Variants in ALPK1 observed in about 807,000 individuals in gnomAD.
ALPK1 encodes the protein alpha-protein kinase 1.
ALPK1 carries 110 observed loss-of-function variants against 120.6 expected under a neutral mutation model. That is an observed-to-expected ratio of 0.91 (90% CI 0.78 to 1.07). The LOEUF (loss-of-function observed/expected upper bound fraction) is 1.07. Ranked by LOEUF, ALPK1 falls within the 50% of genes least tolerant of loss-of-function variation. ALPK1 has a pLI of 0.00. For missense variants in ALPK1, 1,498 were observed against 1,483.9 expected, an observed-to-expected ratio of 1.01 and a Z score of -0.16; for synonymous variants, 582 against 560.3, an observed-to-expected ratio of 1.04 and a Z score of -0.55.
At chr4:112,305,262 A>T (rs1727986554) in intron 1 of ALPK1, among the ~76,000 whole-genome samples, 1 of 152,008 alleles carries the variant, frequency 6.6e-6, no homozygotes, top group Non-Finnish European at 1.5e-5. Flanking sequence ...TGAACTTTAA[A>T]GTAGTTTTTT....
chr4:112,438,461 G>T (rs947743629), intron 12 of ALPK1, 23 bp from the exon 13 acceptor site: 4 of 1,607,576 alleles, frequency 2.5e-6, no homozygotes, highest in South Asian at 1.1e-5. Flanking sequence ...GCATTTTGTT[G>T]TGTGGATTTT....
At chr4:112,389,102 T>C (rs1218845197) in intron 4 of ALPK1, among the ~76,000 whole-genome samples, 1 of 149,526 alleles carries the variant, frequency 6.7e-6, no homozygotes, top group Non-Finnish European at 1.5e-5. Context: ...TGGAGTGCAA[T>C]GGCGTGATCT....
chr4:112,322,049 G>C (rs1049245902), intron 2 of ALPK1, among the ~76,000 whole-genome samples: 3 of 152,142 alleles, frequency 2.0e-5, no homozygotes, highest in Admixed American at 2.0e-4. Flanking sequence ...CGTCAAGATG[G>C]GGGTTGATGT....
intron 12 of ALPK1, among the ~76,000 whole-genome samples, chr4:112,437,524 C>T (rs1222845706): frequency 6.6e-6 from 1 of 152,186 alleles, no homozygotes; most frequent in African/African-American, 2.4e-5. Flanking sequence ...TGGTATCAGT[C>T]AACAAAATTC....
At chr4:112,407,424 G>C (rs1039808005) in intron 4 of ALPK1, among the ~76,000 whole-genome samples, 28 of 152,264 alleles carry the variant, frequency 1.8e-4, no homozygotes, top group Non-Finnish European at 1.3e-4. Flanking sequence ...GCTGCAGTGA[G>C]CTATATGATC....
chr4:112,314,421 G>A (rs1210844093), intron 1 of ALPK1, among the ~76,000 whole-genome samples: 1 of 152,176 alleles, frequency 6.6e-6, no homozygotes, highest in Non-Finnish European at 1.5e-5. Flanking sequence ...TAGCGAGAGA[G>A]ATTCGTGAAT....
chr4:112,364,438 A>C (rs1731050068), intron 2 of ALPK1, among the ~76,000 whole-genome samples: 1 of 152,040 alleles, frequency 6.6e-6, no homozygotes. Flanking sequence ...GAATACCTTT[A>C]CATGCATAAA....
At chr4:112,389,323 C>T (rs904623503) in intron 4 of ALPK1, among the ~76,000 whole-genome samples, 1 of 152,150 alleles carries the variant, frequency 6.6e-6, no homozygotes, top group Non-Finnish European at 1.5e-5. Flanking sequence ...AGATTACAAG[C>T]GTGAGCCACC....
At chr4:112,374,301 C>T (rs1325718942) in intron 2 of ALPK1, among the ~76,000 whole-genome samples, 2 of 152,214 alleles carry the variant, frequency 1.3e-5, no homozygotes, top group African/African-American at 2.4e-5. Context: ...GGAGCAACGT[C>T]CCATTCATTC....
chr4:112,312,869 A>T (rs1042816026), intron 1 of ALPK1, among the ~76,000 whole-genome samples: 2 of 152,214 alleles, frequency 1.3e-5, no homozygotes, highest in Admixed American at 6.5e-5. Flanking sequence ...ACAGCTGCCC[A>T]TGCACAAATT....
intron 2 of ALPK1, among the ~76,000 whole-genome samples, chr4:112,350,420 G>A (rs754862921): frequency 2.6e-5 from 4 of 151,954 alleles, no homozygotes; most frequent in Admixed American, 6.6e-5. Context: ...CACCAACATC[G>A]GGACCCTCCC....
intron 2 of ALPK1, among the ~76,000 whole-genome samples, chr4:112,332,267 A>T (rs765097350): frequency 2.6e-5 from 4 of 152,220 alleles, no homozygotes; most frequent in Non-Finnish European, 5.9e-5. Flanking sequence ...TGCCTGTATA[A>T]TACTGAAAGT....
In ALPK1 at chr4:112,441,270, A is replaced by G. The variant is rs1033047460; in HGVS notation, c.*60A>G. On this transcript the variant is annotated 3_prime_UTR_variant, in exon 16 of 16. Transcript: ENST00000650871. ...AGGGCCGTGACACAGGTTCTGGCCAATGATTTGCAAGAGGAATTGATCAGT... is the reference window on the plus strand; with the variant it reads ...AGGGCCGTGACACAGGTTCTGGCCAGTGATTTGCAAGAGGAATTGATCAGT... 92 of 1,124,592 alleles carry G rather than the reference A, an allele frequency of 8.2e-5. 6 individuals are homozygous for G. The South Asian group carries it at 1.1e-3, about 13-fold the overall frequency. The allele number at this position is 1,124,592 out of a possible 1,614,324, so 69.7% of individuals were successfully genotyped here.
chr4:112,403,256 C>A (rs1237718477), intron 4 of ALPK1, among the ~76,000 whole-genome samples: 3 of 149,304 alleles, frequency 2.0e-5, no homozygotes, highest in African/African-American at 7.4e-5. Context: ...ATGATGTATT[C>A]TGCTTTGCTG....
chr4:112,300,263 T>C (rs1727728405), intron 1 of ALPK1, among the ~76,000 whole-genome samples: 1 of 152,166 alleles, frequency 6.6e-6, no homozygotes, highest in Non-Finnish European at 1.5e-5. Flanking sequence ...GGTATAGATA[T>C]AAATTCAGAA....
At chr4:112,352,954 T>C (rs1383971333) in intron 2 of ALPK1, 1 of 133,550 alleles carries the variant, frequency 7.5e-6, no homozygotes, top group African/African-American at 2.7e-5. Flanking sequence ...TTTTTCTTCT[T>C]CCTTTCCTTT....
chr4:112,356,747 T>C (rs536415598), intron 2 of ALPK1: 4 of 808,852 alleles, frequency 4.9e-6, no homozygotes, highest in Admixed American at 1.7e-5. Flanking sequence ...GCACGGAGTA[T>C]GCCCTTATTA....
In ALPK1 at chr4:112,346,727, T is replaced by C. The variant is rs557985475; in HGVS notation, c.-101+30875T>C. 2.0e-5 allele frequency among the ~76,000 whole-genome samples: 3 copies of C among 152,376 alleles called. No individual in the cohort carries two copies. In the East Asian group the frequency reaches 5.8e-4, roughly 29 times the overall value. ...ATGATTTCAGGGTAAGACAAATTGC[T>C]GTGTGAAACAGTTTTAAGAATAGAA... On this transcript the variant is annotated intron_variant, in intron 2 of 15. Transcript: ENST00000650871.
At chr4:112,411,657 G>T (rs1733469996) in intron 4 of ALPK1, 170 bp from the exon 5 acceptor site, 4 of 632,540 alleles carry the variant, frequency 6.3e-6, no homozygotes, top group Non-Finnish European at 1.1e-5. Context: ...TTGCACAATT[G>T]AACTGGACTT....
Sources: gnomAD v4.1 joint callset for allele counts (sites outside exome capture counted in the v4.1 genomes callset) on GRCh38, gnomAD v4.1.1 for gene constraint, MANE v1.5 for transcripts, NCBI Gene and HGNC (gene_info 2026-07-23, HGNC 2026-07-21) for gene names.